Variants in ATXN7L1 observed in about 807,000 individuals in gnomAD.
ATXN7L1 encodes the protein ataxin-7-like protein 1.
ATXN7L1 carries 15 observed loss-of-function variants against 70.8 expected under a neutral mutation model. The ratio of observed to expected loss-of-function variants is 0.21; its 90% confidence interval spans 0.14 to 0.33. ATXN7L1 has a LOEUF of 0.33. Ranked by LOEUF, ATXN7L1 falls within the 10% of genes least tolerant of loss-of-function variation. The pLI, the probability that ATXN7L1 is intolerant of heterozygous loss-of-function variation, is 1.00. For synonymous variants in ATXN7L1, 440 were observed against 445.1 expected, an observed-to-expected ratio of 0.99 and a Z score of 0.14; for missense variants, 975 against 1,097.1, an observed-to-expected ratio of 0.89 and a Z score of 1.57.
intron 2 of ATXN7L1, among the ~76,000 whole-genome samples, chr7:105,861,779 G>A (rs1037449235): frequency 2.6e-5 from 4 of 152,204 alleles, no homozygotes; most frequent in Admixed American, 2.6e-4. Context: ...GCACAAAAGC[G>A]GGTGCCATGA....
At chr7:105,756,931 CTT>C (rs957337322) in intron 3 of ATXN7L1, among the ~76,000 whole-genome samples, 1 of 151,918 alleles carries the variant, frequency 6.6e-6, no homozygotes, top group Non-Finnish European at 1.5e-5. Context: ...TTTTTTAACA[CTT>C]AAAATTAAAT....
At chr7:105,695,281 C>T (rs949168644) in intron 3 of ATXN7L1, among the ~76,000 whole-genome samples, 8 of 152,074 alleles carry the variant, frequency 5.3e-5, no homozygotes, top group African/African-American at 1.7e-4. Context: ...AGCAAGACTC[C>T]GTCTCAAAAT....
intron 2 of ATXN7L1, among the ~76,000 whole-genome samples, chr7:105,800,529 C>T (rs1563103676): frequency 1.3e-5 from 2 of 152,212 alleles, no homozygotes; most frequent in Non-Finnish European, 2.9e-5. Context: ...CCCATTTGTA[C>T]ACTGTTTTAT....
chr7:105,646,718 G>A (rs555655640), intron 4 of ATXN7L1, among the ~76,000 whole-genome samples: 2 of 147,936 alleles, frequency 1.4e-5, no homozygotes, highest in Admixed American at 6.8e-5. Context: ...GCTCCCAGCC[G>A]AGGCCAGGTA....
At chr7:105,784,717 A>G (rs970467119) in intron 3 of ATXN7L1, among the ~76,000 whole-genome samples, 2 of 152,210 alleles carry the variant, frequency 1.3e-5, no homozygotes, top group East Asian at 3.8e-4. Flanking sequence ...CCCCTGAGGC[A>G]GGCAGAGTAC....
At chr7:105,704,584 CTTTTTTTTTTTTTTTT>C (rs11329205) in intron 3 of ATXN7L1, among the ~76,000 whole-genome samples, 2 of 89,490 alleles carry the variant, frequency 2.2e-5, no homozygotes, top group African/African-American at 4.2e-5. Flanking sequence ...GGTTTTATCT[CTTTTTTTTTTTTTTTT>C]TTTTTTTTTT....
intron 4 of ATXN7L1, among the ~76,000 whole-genome samples, chr7:105,644,848 A>AATAGCCAAAGGT (rs1334881525): frequency 6.6e-6 from 1 of 152,256 alleles, no homozygotes; most frequent in Non-Finnish European, 1.5e-5. Context: ...CGTTATTCAC[A>AATAGCCAAAGGT]ATAGCCAAAG....
At chr7:105,718,134 C>A (rs1279586302) in intron 3 of ATXN7L1, among the ~76,000 whole-genome samples, 1 of 152,044 alleles carries the variant, frequency 6.6e-6, no homozygotes, top group Non-Finnish European at 1.5e-5. Flanking sequence ...ACAACAGCAA[C>A]AATAAGAAAA....
intron 3 of ATXN7L1, among the ~76,000 whole-genome samples, chr7:105,699,853 G>A (rs1792213480): frequency 6.6e-6 from 1 of 152,082 alleles, no homozygotes; most frequent in Admixed American, 6.6e-5. Flanking sequence ...CCTGCAGTCT[G>A]GTGTCACTTC....
chr7:105,809,068 G>A (rs920046165), intron 2 of ATXN7L1, among the ~76,000 whole-genome samples: 8 of 152,148 alleles, frequency 5.3e-5, no homozygotes, highest in Non-Finnish European at 1.5e-5. Flanking sequence ...TGATAATCTG[G>A]ATTTTGACAG....
intron 3 of ATXN7L1, among the ~76,000 whole-genome samples, chr7:105,772,829 T>C (rs1342790856): frequency 6.6e-6 from 1 of 152,204 alleles, no homozygotes; most frequent in African/African-American, 2.4e-5. Flanking sequence ...TAATAATACA[T>C]GATCTAAATT....
intron 2 of ATXN7L1, among the ~76,000 whole-genome samples, chr7:105,866,147 C>T (rs772189012): frequency 6.6e-6 from 1 of 152,098 alleles, no homozygotes; most frequent in African/African-American, 2.4e-5. Flanking sequence ...GGTAAGGTCA[C>T]GTAACTCACA....
At chr7:105,641,218 T>A (rs868623826) in intron 5 of ATXN7L1, among the ~76,000 whole-genome samples, 2 of 53,692 alleles carry the variant, frequency 3.7e-5, no homozygotes. Context: ...CTCTCTCTTT[T>A]TTTTTTTTTT....
chr7:105,862,048 A>G (rs1357848434), intron 2 of ATXN7L1, among the ~76,000 whole-genome samples: 1 of 152,198 alleles, frequency 6.6e-6, no homozygotes, highest in East Asian at 1.9e-4. Context: ...TGATGGAAGG[A>G]GTAACTCAAG....
At chr7:105,671,522 A>G (rs774071019) in intron 3 of ATXN7L1, among the ~76,000 whole-genome samples, 2 of 152,194 alleles carry the variant, frequency 1.3e-5, no homozygotes, top group Non-Finnish European at 2.9e-5. Flanking sequence ...CAATACATCA[A>G]TAACAACCTC....
chr7:105,784,901 A>G (rs182546688), intron 3 of ATXN7L1, among the ~76,000 whole-genome samples: 1 of 152,316 alleles, frequency 6.6e-6, no homozygotes, highest in East Asian at 1.9e-4. Flanking sequence ...TGGGGGGTGA[A>G]AAAAGTTAGG....
At chr7:105,726,323 T>C (rs1584845407) in intron 3 of ATXN7L1, among the ~76,000 whole-genome samples, 3 of 152,188 alleles carry the variant, frequency 2.0e-5, no homozygotes. Flanking sequence ...GGAGCATACC[T>C]CTGGCCTGTG....
At chr7:105,872,823 CTATG>C (rs1182475962) in intron 2 of ATXN7L1, among the ~76,000 whole-genome samples, 2 of 151,194 alleles carry the variant, frequency 1.3e-5, no homozygotes. Flanking sequence ...AAATTTTATG[CTATG>C]TATATTTTAC....
intron 3 of ATXN7L1, among the ~76,000 whole-genome samples, chr7:105,744,662 C>T (rs537717038): frequency 4.0e-5 from 6 of 151,578 alleles, no homozygotes; most frequent in Non-Finnish European, 8.8e-5. Context: ...ACATGAAGGC[C>T]ATGAATGACA....
Sources: gnomAD v4.1 joint callset for allele counts (sites outside exome capture counted in the v4.1 genomes callset) on GRCh38, gnomAD v4.1.1 for gene constraint, MANE v1.5 for transcripts, NCBI Gene and HGNC (gene_info 2026-07-23, HGNC 2026-07-21) for gene names.